CWC22: variants seen among roughly 807,000 people sequenced by gnomAD.
The protein encoded by CWC22 is pre-mRNA-splicing factor CWC22 homolog.
In CWC22, 53 loss-of-function variants were observed where a neutral mutation model predicts 117.2. The observed-to-expected ratio is 0.45, with a 90% CI of 0.36 to 0.57. The LOEUF (loss-of-function observed/expected upper bound fraction) is 0.57. Ranked by LOEUF, CWC22 falls within the 20% of genes least tolerant of loss-of-function variation. CWC22 has a pLI of 0.00. For missense variants in CWC22, 980 were observed against 1,068.8 expected, an observed-to-expected ratio of 0.92 and a Z score of 1.16; for synonymous variants, 360 against 355.6, an observed-to-expected ratio of 1.01 and a Z score of -0.14.
intron 1 of CWC22, among the ~76,000 whole-genome samples, chr2:179,995,232 G>T (rs975953893): frequency 6.6e-6 from 1 of 152,174 alleles, no homozygotes; most frequent in African/African-American, 2.4e-5. Flanking sequence ...TTTGAACTTA[G>T]TTTCAGAGTA....
chr2:179,995,741 T>C (rs1344646455), intron 1 of CWC22, among the ~76,000 whole-genome samples: 1 of 152,224 alleles, frequency 6.6e-6, no homozygotes, highest in Admixed American at 6.5e-5. Context: ...AGTAGATGCC[T>C]TGAGAAAGGA....
At chr2:179,953,742 T>A (rs1385727993) in intron 16 of CWC22, among the ~76,000 whole-genome samples, 1 of 152,124 alleles carries the variant, frequency 6.6e-6, no homozygotes, top group Non-Finnish European at 1.5e-5. Flanking sequence ...TTACCCAACT[T>A]CAATGTCTGC....
intron 11 of CWC22, among the ~76,000 whole-genome samples, chr2:179,969,901 T>G (rs1158031923): frequency 6.6e-6 from 1 of 152,160 alleles, no homozygotes; most frequent in South Asian, 2.1e-4. Flanking sequence ...TATATATCCT[T>G]CCATAGAAAG....
chr2:179,970,492 T>C lies in CWC22; in HGVS notation c.1210+9A>G. ...TCCAAACTAAATTATTTTATAAAAT[T>C]TTACATACCTTTCTTAATAGCTTTG... On this transcript the variant is annotated intron_variant, in intron 11 of 19. Coordinates refer to ENST00000410053, the MANE Select transcript of CWC22 (RefSeq NM_020943.3). 3 of 1,518,304 alleles carry C rather than the reference T, an allele frequency of 2.0e-6. No homozygotes were observed. Among genetic ancestry groups the C allele is most frequent in the Non-Finnish European group, 2.7e-6 (3 of 1,124,300 alleles). 94.1% of individuals were successfully genotyped at this position (1,518,304 alleles called of 1,614,324 possible).
intron 1 of CWC22, among the ~76,000 whole-genome samples, chr2:179,998,903 C>A (rs778954471): frequency 9.2e-5 from 14 of 152,176 alleles, no homozygotes; most frequent in Non-Finnish European, 1.8e-4. Context: ...AACCTACTTA[C>A]ACATTTCAGA....
At chr2:179,960,344 T>C (rs910171025) in intron 13 of CWC22, among the ~76,000 whole-genome samples, 2 of 151,988 alleles carry the variant, frequency 1.3e-5, no homozygotes, top group Non-Finnish European at 2.9e-5. Flanking sequence ...CTACAATTAG[T>C]TGTTAAATAA....
At chr2:179,949,377 C>G (rs1686391639) in intron 19 of CWC22, among the ~76,000 whole-genome samples, 1 of 152,156 alleles carries the variant, frequency 6.6e-6, no homozygotes, top group African/African-American at 2.4e-5. Context: ...AATACTTGAA[C>G]AGCCACTTGA....
At chr2:179,957,395 T>C (rs553590478) in intron 14 of CWC22, among the ~76,000 whole-genome samples, 3 of 152,232 alleles carry the variant, frequency 2.0e-5, no homozygotes, top group Non-Finnish European at 4.4e-5. Flanking sequence ...AAATCTTTTC[T>C]GTAAAGGGCC....
chr2:179,954,915 A>G (rs1484916145), intron 15 of CWC22, 42 bp downstream of exon 15: 2 of 1,102,104 alleles, frequency 1.8e-6, no homozygotes, highest in African/African-American at 1.5e-5. Context: ...TTAATTTACA[A>G]TATTCGTTTT....
intron 1 of CWC22, among the ~76,000 whole-genome samples, chr2:179,994,921 C>A (rs1687662760): frequency 6.6e-6 from 1 of 152,166 alleles, no homozygotes; most frequent in African/African-American, 2.4e-5. Flanking sequence ...TTGACACCAT[C>A]CTGGCAAACA....
intron 1 of CWC22, among the ~76,000 whole-genome samples, chr2:180,004,352 T>C (rs1687918130): frequency 6.6e-6 from 1 of 152,240 alleles, no homozygotes; most frequent in South Asian, 2.1e-4. Context: ...TTCAACAATG[T>C]GCAATCACTG....
chr2:179,946,210 G>A (rs928154729), intron 19 of CWC22, among the ~76,000 whole-genome samples: 2 of 152,270 alleles, frequency 1.3e-5, no homozygotes, highest in East Asian at 3.9e-4. Flanking sequence ...TTGGGAAGCA[G>A]AGGGGGTGGG....
chr2:179,963,007 A>T (rs527410039), intron 13 of CWC22, among the ~76,000 whole-genome samples: 106 of 152,282 alleles, frequency 7.0e-4, no homozygotes, highest in African/African-American at 2.0e-3. Context: ...ATCAACATCT[A>T]AGACAGGAGT....
At chr2:179,996,600 G>A (rs1687706779) in intron 1 of CWC22, among the ~76,000 whole-genome samples, 1 of 152,016 alleles carries the variant, frequency 6.6e-6, no homozygotes, top group South Asian at 2.1e-4. Context: ...TAAAAAAGTG[G>A]ATCTCATGAA....
At chr2:179,992,823 C>G (rs1687601917) in intron 2 of CWC22, among the ~76,000 whole-genome samples, 1 of 152,206 alleles carries the variant, frequency 6.6e-6, no homozygotes, top group Non-Finnish European at 1.5e-5. Flanking sequence ...AATGAACGCA[C>G]ACTGTCTAAA....
At chr2:179,994,718 G>C (rs191064277) in intron 1 of CWC22, among the ~76,000 whole-genome samples, 13 of 152,328 alleles carry the variant, frequency 8.5e-5, no homozygotes, top group Middle Eastern at 3.4e-3. Flanking sequence ...CAGTTAAAGA[G>C]ACAAATGTGT....
intron 1 of CWC22, among the ~76,000 whole-genome samples, chr2:180,004,705 C>G (rs1385571961): frequency 1.3e-5 from 2 of 151,738 alleles, no homozygotes; most frequent in Non-Finnish European, 2.9e-5. Flanking sequence ...CCCTCCCCCC[C>G]AGGAGAGTTA....
At chr2:179,968,019 G>A (rs992255634) in intron 11 of CWC22, among the ~76,000 whole-genome samples, 1 of 152,086 alleles carries the variant, frequency 6.6e-6, no homozygotes, top group Non-Finnish European at 1.5e-5. Context: ...TGAGTTCCCC[G>A]ACACTTAGAT....
chr2:179,981,824 G>C lies in CWC22; in HGVS notation c.380C>G (p.Thr127Ser), dbSNP rs763673068. ...KKKDELDPLL[T>S]RTGGAYIPPA... Reference sequence around the variant, plus strand: ...GGGAATATATGCTCCACCAGTGCGAGTAAGAAGAGGATCCAGCTCATCTTT... The same window carrying C: ...GGGAATATATGCTCCACCAGTGCGACTAAGAAGAGGATCCAGCTCATCTTT... Residue 127 changes from threonine to serine, a missense_variant, in exon 5 of 20, where the codon ACT becomes AGT. Coordinates refer to ENST00000410053, the MANE Select transcript of CWC22 (RefSeq NM_020943.3). 2.5e-6 allele frequency: 4 copies of C among 1,613,814 alleles called. No individual in the cohort carries two copies. In the African/African-American group the frequency reaches 4.0e-5, roughly 16 times the overall value.
Sources: gnomAD v4.1 joint callset for allele counts (sites outside exome capture counted in the v4.1 genomes callset) on GRCh38, gnomAD v4.1.1 for gene constraint, MANE v1.5 for transcripts, NCBI Gene and HGNC (gene_info 2026-07-23, HGNC 2026-07-21) for gene names.